Variants in PHTF2 observed in about 807,000 individuals in gnomAD.
The protein encoded by PHTF2 is putative homeodomain transcription factor 2, also known as protein PHTF2.
In PHTF2, 60 loss-of-function variants were observed where a neutral mutation model predicts 101.2. That is an observed-to-expected ratio of 0.59 (90% CI 0.48 to 0.73). The LOEUF (loss-of-function observed/expected upper bound fraction) is 0.73. Among genes scored for constraint, PHTF2 ranks in the 30% least tolerant of loss-of-function variants. The pLI is 0.00. For missense variants in PHTF2, 747 were observed against 908.7 expected (o/e 0.82, Z 2.29); for synonymous variants, 311 against 307.3 (o/e 1.01, Z -0.13).
intron 13 of PHTF2, among the ~76,000 whole-genome samples, chr7:77,939,186 C>G (rs1805418587): frequency 6.6e-6 from 1 of 152,096 alleles, no homozygotes; most frequent in Non-Finnish European, 1.5e-5. Context: ...ATCTAATTTC[C>G]TTTTTTAAAA....
chr7:77,954,638 A>ATATATATATATATATATAT (rs1562982915), intron 19 of PHTF2, among the ~76,000 whole-genome samples: 2 of 139,090 alleles, frequency 1.4e-5, no homozygotes, highest in African/African-American at 5.1e-5. Context: ...ATATATATAT[A>ATATATATATATATATATAT]TATATATAGC....
intron 1 of PHTF2, among the ~76,000 whole-genome samples, chr7:77,808,700 C>T (rs1238259829): frequency 6.6e-6 from 1 of 152,186 alleles, no homozygotes; most frequent in Non-Finnish European, 1.5e-5. Flanking sequence ...TAATTCTAGC[C>T]ACCTTGGTAT....
rs761104081 is a variant in PHTF2 at position 77,922,792 on chromosome 7, C to T, written c.1119+14C>T. Reference sequence around the variant, plus strand: ...TACCCTAATGAGGTATATACTTTGTCCTTAAGTGTATACATACGTATCTAT... The same window carrying T: ...TACCCTAATGAGGTATATACTTTGTTCTTAAGTGTATACATACGTATCTAT... On this transcript the variant is annotated intron_variant, in intron 11 of 19. Coordinates refer to ENST00000416283, the Ensembl canonical transcript of PHTF2. The T allele has an allele frequency of 2.6e-5, 40 of 1,529,990 alleles. No homozygotes were observed. Among genetic ancestry groups the T allele is most frequent in the Non-Finnish European group, 3.5e-5 (39 of 1,117,242 alleles). 94.8% of individuals were successfully genotyped at this position (1,529,990 alleles called of 1,614,324 possible).
intron 1 of PHTF2, among the ~76,000 whole-genome samples, chr7:77,828,698 T>C (rs1794863060): frequency 6.6e-6 from 1 of 152,122 alleles, no homozygotes; most frequent in Non-Finnish European, 1.5e-5. Context: ...TGTTTGGTAC[T>C]ATCTGCTAAA....
intron 9 of PHTF2, 85 bp downstream of exon 8, chr7:77,910,494 T>C: frequency 1.1e-6 from 1 of 903,026 alleles, no homozygotes; most frequent in South Asian, 1.8e-5. Flanking sequence ...TGAATATTAA[T>C]TACTTTAAAT....
chr7:77,861,478 G>A (rs1797638288), intron 3 of PHTF2, among the ~76,000 whole-genome samples: 1 of 152,050 alleles, frequency 6.6e-6, no homozygotes, highest in South Asian at 2.1e-4. Flanking sequence ...TGCAAATAGA[G>A]TAGAAATGAC....
intron 5 of PHTF2, among the ~76,000 whole-genome samples, chr7:77,896,714 T>C (rs1800905769): frequency 6.6e-6 from 1 of 152,218 alleles, no homozygotes; most frequent in African/African-American, 2.4e-5. Context: ...TCCGTATTTA[T>C]TCTAAGGAAG....
chr7:77,939,639 T>C (rs1276089056), intron 13 of PHTF2, among the ~76,000 whole-genome samples: 1 of 148,104 alleles, frequency 6.8e-6, no homozygotes, highest in Non-Finnish European at 1.5e-5. Flanking sequence ...AAGTTACAAA[T>C]GTACAAACGT....
intron 3 of PHTF2, among the ~76,000 whole-genome samples, chr7:77,860,319 A>G (rs913877734): frequency 2.4e-4 from 37 of 152,216 alleles, no homozygotes; most frequent in South Asian, 2.1e-4. Flanking sequence ...TATTTTTTCT[A>G]TAACTGCTAC....
At chr7:77,930,573 A>G (rs1804477175) in intron 12 of PHTF2, among the ~76,000 whole-genome samples, 1 of 152,180 alleles carries the variant, frequency 6.6e-6, no homozygotes, top group Admixed American at 6.5e-5. Flanking sequence ...AGAACTTTCA[A>G]TCTGATAAAA....
At chr7:77,912,171 GATC>G (rs2150875718) in intron 9 of PHTF2, among the ~76,000 whole-genome samples, 1 of 152,320 alleles carries the variant, frequency 6.6e-6, no homozygotes, top group South Asian at 2.1e-4. Context: ...GCATGACCAT[GATC>G]ATGACTGCCA....
In PHTF2 at chr7:77,853,689, TG is replaced by T. The variant is rs147840458; in HGVS notation, c.46-1042del. On this transcript the variant is annotated intron_variant, in intron 2 of 19. Transcript: ENST00000416283. ...GATTACAGGTATGAGCCACCGTGCC[TG>T]GCCACTCAGCTCTAGATTTTTTTTT... Among the ~76,000 whole-genome samples, 575 of 152,232 alleles carry T rather than the reference TG, an allele frequency of 3.8e-3. 4 individuals carry two copies. The highest frequency in any genetic ancestry group is 0.013 in the African/African-American group (548 of 41,554).
intron 2 of PHTF2, among the ~76,000 whole-genome samples, chr7:77,853,422 C>T (rs1052926419): frequency 7.3e-5 from 11 of 150,638 alleles, no homozygotes; most frequent in Non-Finnish European, 1.6e-4. Context: ...GAGACAGAGT[C>T]TTGCTCTGTT....
Position 77,938,755 on chromosome 7 carries a change from C to T in PHTF2, c.1467+917C>T, listed in dbSNP as rs530214496. Among the ~76,000 whole-genome samples, 637 of 152,044 alleles carry T rather than the reference C, an allele frequency of 4.2e-3. 6 individuals are homozygous for T. Among genetic ancestry groups the T allele is most frequent in the African/African-American group, 0.015 (619 of 41,450 alleles). ...TCACGCCACTGCACTCCAGCCTGGG[C>T]GACAGAGCGAGACTCCGTCTCAAAA... On this transcript the variant is annotated intron_variant, in intron 13 of 19. Coordinates refer to ENST00000416283, the Ensembl canonical transcript of PHTF2.
intron 3 of PHTF2, among the ~76,000 whole-genome samples, chr7:77,890,657 G>A (rs998888659): frequency 4.3e-5 from 6 of 138,030 alleles, no homozygotes; most frequent in African/African-American, 1.4e-4. Flanking sequence ...CCAGGCTGGA[G>A]TGCAGTGGCG....
At chr7:77,842,574 A>G (rs1371270206) in intron 2 of PHTF2, among the ~76,000 whole-genome samples, 1 of 152,174 alleles carries the variant, frequency 6.6e-6, no homozygotes, top group Non-Finnish European at 1.5e-5. Flanking sequence ...AGCAGCCTGC[A>G]ATACTATCCA....
chr7:77,800,261 A>G (rs780666506), intron 1 of PHTF2, among the ~76,000 whole-genome samples: 2 of 152,204 alleles, frequency 1.3e-5, no homozygotes, highest in Non-Finnish European at 2.9e-5. Context: ...TATCAGTTGT[A>G]GTGGCTCCAC....
At chr7:77,921,153 T>C (rs1029966747) in intron 10 of PHTF2, among the ~76,000 whole-genome samples, 2 of 152,242 alleles carry the variant, frequency 1.3e-5, no homozygotes, top group Non-Finnish European at 2.9e-5. Flanking sequence ...TAAGAAGATA[T>C]CTTGTTTTTC....
At chr7:77,953,652 G>GCATC in intron 18 of PHTF2, 117 bp from the exon 18 acceptor site, 2 of 736,994 alleles carry the variant, frequency 2.7e-6, no homozygotes. Context: ...CTTTCTAAAA[G>GCATC]CATCCATAAT....
Sources: gnomAD v4.1 joint callset for allele counts (sites outside exome capture counted in the v4.1 genomes callset) on GRCh38, gnomAD v4.1.1 for gene constraint, MANE v1.5 for transcripts, NCBI Gene and HGNC (gene_info 2026-07-23, HGNC 2026-07-21) for gene names.